MAMLD1: variants seen among roughly 807,000 people sequenced by gnomAD.
MAMLD1 encodes the protein mastermind-like domain-containing protein 1.
Under a neutral mutation model 45.0 loss-of-function variants are expected in MAMLD1, and 14 were observed. The ratio of observed to expected loss-of-function variants is 0.31; its 90% CI spans 0.21 to 0.49. The LOEUF is 0.49. MAMLD1 is among the 20% of genes least tolerant of loss of function. The pLI is 0.99. For missense variants in MAMLD1, 543 were observed against 603.6 expected (o/e 0.90, Z 1.05); for synonymous variants, 254 against 247.8 (o/e 1.02, Z -0.24).
chrX:150,497,283 C>CTTTT (rs782269885), intron 5 of MAMLD1, among the ~76,000 whole-genome samples: 5 of 85,246 alleles, frequency 5.9e-5, no homozygotes, highest in African/African-American at 1.8e-4. Flanking sequence ...TCTTTTTTTT[C>CTTTT]TTTTTTTTTT....
intron 3 of MAMLD1, among the ~76,000 whole-genome samples, chrX:150,464,632 CTCTT>C (rs2036162511): frequency 8.9e-6 from 1 of 112,117 alleles, no homozygotes; most frequent in African/African-American, 3.2e-5. Flanking sequence ...CTCACTCTCT[CTCTT>C]TCTCTCCATC....
chrX:150,371,784 G>C (rs1315625665), intron 1 of MAMLD1, among the ~76,000 whole-genome samples: 2 of 111,841 alleles, frequency 1.8e-5, no homozygotes, highest in Non-Finnish European at 3.8e-5. Flanking sequence ...CTTCCTTTCT[G>C]TGGCTATGCC....
rs1032415751 is a variant in MAMLD1, at chrX:150,366,949, C to T, written c.-64+3419C>T. On this transcript the variant is annotated intron_variant, in intron 1 of 7. Transcript: ENST00000370401. The stretch of plus-strand genomic sequence containing the variant: ...CGGAAAAAACTAGCATTCTTTCCCC[C>T]CTTTCCCCCTTTAAAAATATCACAA... Among the ~76,000 whole-genome samples, 3 of 109,371 alleles carry T rather than the reference C, an allele frequency of 2.7e-5. No homozygotes were observed. In the Admixed American group the frequency reaches 2.9e-4, roughly 11 times the overall value. 95.0% of individuals were successfully genotyped at this position (109,371 alleles called of 115,157 possible). A position where few individuals can be genotyped will look rare whatever the true frequency, so the allele number is the denominator to read the frequency against.
At chrX:150,457,838 GA>G (rs1557405411) in intron 2 of MAMLD1, among the ~76,000 whole-genome samples, 1 of 112,483 alleles carries the variant, frequency 8.9e-6, no homozygotes, top group Non-Finnish European at 1.9e-5. Flanking sequence ...TTGGGATGAT[GA>G]AAAAGTTCTG....
At chrX:150,490,506 T>G (rs983495097) in intron 5 of MAMLD1, among the ~76,000 whole-genome samples, 12 of 112,448 alleles carry the variant, frequency 1.1e-4, no homozygotes, top group Non-Finnish European at 2.3e-4. Flanking sequence ...TATTCAGGCC[T>G]CGGAGTTGGG....
chrX:150,398,290 GAA>G, intron 1 of MAMLD1, among the ~76,000 whole-genome samples: 1 of 84,333 alleles, frequency 1.2e-5, no homozygotes, highest in African/African-American at 4.6e-5. Context: ...AGAAGAAGAA[GAA>G]GAAGAAGAAG....
rs367742856 is a variant in MAMLD1 at position 150,456,606 on chromosome X, T to G, written c.97-6166T>G. On this transcript the variant is annotated intron_variant, in intron 2 of 7. Transcript: ENST00000370401. ...ATACCCCCCATACAGCCCTAAAAAG[T>G]CTTTGCTACTAGAAGCCGCATCCTG... Among the ~76,000 whole-genome samples, 5 of 111,624 alleles carry G rather than the reference T, an allele frequency of 4.5e-5. No homozygotes were observed. The East Asian group carries it at 1.1e-3, about 25-fold the overall frequency.
chrX:150,399,869 C>A (rs781959416), intron 1 of MAMLD1, among the ~76,000 whole-genome samples: 2 of 111,984 alleles, frequency 1.8e-5, no homozygotes, highest in African/African-American at 6.5e-5. Flanking sequence ...ACAAATGGTG[C>A]GAAAGAACAA....
chrX:150,407,422 G>C (rs1168016022), intron 1 of MAMLD1, among the ~76,000 whole-genome samples: 10 of 112,075 alleles, frequency 8.9e-5, no homozygotes, highest in African/African-American at 2.9e-4. Context: ...ATTGAAGAAA[G>C]GCTGAATTTC....
At chrX:150,450,575 C>T (rs139630296) in intron 2 of MAMLD1, among the ~76,000 whole-genome samples, 391 of 111,810 alleles carry the variant, frequency 3.5e-3, no homozygotes, top group African/African-American at 0.011. Flanking sequence ...TAACTCTGCT[C>T]TTTGCCTGCG....
intron 1 of MAMLD1, among the ~76,000 whole-genome samples, chrX:150,378,937 A>C (rs1432731290): frequency 1.8e-5 from 2 of 111,364 alleles, no homozygotes; most frequent in African/African-American, 6.5e-5. Context: ...ATGGAATCTT[A>C]ACTTCTTTTA....
At chrX:150,414,028 CAAAAAAAAAA>C (rs56866886) in intron 1 of MAMLD1, among the ~76,000 whole-genome samples, 1 of 31,344 alleles carries the variant, frequency 3.2e-5, no homozygotes, top group African/African-American at 1.4e-4. Flanking sequence ...CAGAAAACTG[CAAAAAAAAAA>C]AAAAAAAAAA....
At chrX:150,463,288 T>G (rs2036110298) in intron 3 of MAMLD1, among the ~76,000 whole-genome samples, 1 of 111,862 alleles carries the variant, frequency 8.9e-6, no homozygotes, top group African/African-American at 3.3e-5. Flanking sequence ...ATCCCACTAA[T>G]GACAGAACCT....
intron 2 of MAMLD1, among the ~76,000 whole-genome samples, chrX:150,453,954 C>T (rs1241721397): frequency 4.4e-5 from 5 of 112,385 alleles, no homozygotes; most frequent in African/African-American, 1.3e-4. Flanking sequence ...GTTCACTTAC[C>T]GTTTGTCCTA....
In MAMLD1 at chrX:150,480,398, CT is replaced by C. The variant is rs782068948; in HGVS notation, c.2040+6600del. Reference sequence around the variant, plus strand: ...ATTTTGCCTACAATGACAAACACTGCTTTTGTTTGTTTTATCATGTTGTGTT... The same window carrying C: ...ATTTTGCCTACAATGACAAACACTGCTTTGTTTGTTTTATCATGTTGTGTT... On this transcript the variant is annotated intron_variant, in intron 5 of 7. Coordinates refer to ENST00000370401, the MANE Select transcript of MAMLD1 (RefSeq NM_005491.5). Among the ~76,000 whole-genome samples, 7 of 112,347 alleles carry C rather than the reference CT, an allele frequency of 6.2e-5. No individual in the cohort carries two copies. In the East Asian group the frequency reaches 1.1e-3, roughly 18 times the overall value.
At chrX:150,423,732 A>G (rs2034609383) in intron 1 of MAMLD1, among the ~76,000 whole-genome samples, 1 of 111,370 alleles carries the variant, frequency 9.0e-6, no homozygotes, top group African/African-American at 3.3e-5. Flanking sequence ...TCGACTATGG[A>G]AAAGCTTAAG....
intron 1 of MAMLD1, among the ~76,000 whole-genome samples, chrX:150,423,538 G>A (rs2034600185): frequency 9.1e-6 from 1 of 110,412 alleles, no homozygotes; most frequent in Non-Finnish European, 1.9e-5. Flanking sequence ...TACTGATGGG[G>A]ATAACCCCAA....
chrX:150,377,545 G>A (rs2032382770), intron 1 of MAMLD1, among the ~76,000 whole-genome samples: 1 of 111,386 alleles, frequency 9.0e-6, no homozygotes, highest in Non-Finnish European at 1.9e-5. Flanking sequence ...TGTGCCTGGA[G>A]ACTCTTGTCC....
At chrX:150,453,722 A>G (rs1373897007) in intron 2 of MAMLD1, among the ~76,000 whole-genome samples, 1 of 110,980 alleles carries the variant, frequency 9.0e-6, no homozygotes, top group Non-Finnish European at 1.9e-5. Flanking sequence ...ATTCACGACT[A>G]CTTCCCTGGT....
Sources: gnomAD v4.1 joint callset for allele counts (sites outside exome capture counted in the v4.1 genomes callset) on GRCh38, gnomAD v4.1.1 for gene constraint, MANE v1.5 for transcripts, NCBI Gene and HGNC (gene_info 2026-07-23, HGNC 2026-07-21) for gene names.